Variants in PRCP observed in about 807,000 individuals in gnomAD.
PRCP encodes the protein lysosomal Pro-X carboxypeptidase.
PRCP carries 46 observed loss-of-function variants against 54.2 expected under a neutral mutation model. The ratio of observed to expected loss-of-function variants is 0.85; its 90% CI spans 0.67 to 1.09. The LOEUF (loss-of-function observed/expected upper bound fraction) is 1.09, where lower values mean the gene tolerates loss of function less well. Among genes scored for constraint, PRCP ranks in the 50% least tolerant of loss-of-function variants. The pLI, the probability that PRCP is intolerant of heterozygous loss-of-function variation, is 0.00. For synonymous variants in PRCP, 240 were observed against 212.2 expected (o/e 1.13, Z -1.14); for missense variants, 613 against 596.8 (o/e 1.03, Z -0.28).
intron 1 of PRCP, among the ~76,000 whole-genome samples, chr11:82,867,811 C>A (rs1260951153): frequency 1.3e-5 from 2 of 152,102 alleles, no homozygotes; most frequent in East Asian, 1.9e-4. Flanking sequence ...CAGCCTCGAA[C>A]TCCTGGGCTC....
At chr11:82,834,522 C>A (rs1858469324) in intron 8 of PRCP, among the ~76,000 whole-genome samples, 1 of 152,144 alleles carries the variant, frequency 6.6e-6, no homozygotes, top group Non-Finnish European at 1.5e-5. Context: ...AGTGTCTGGC[C>A]TTTTATTTGG....
chr11:82,874,889 A>G (rs1237455582), intron 1 of PRCP, among the ~76,000 whole-genome samples: 1 of 152,042 alleles, frequency 6.6e-6, no homozygotes, highest in African/African-American at 2.4e-5. Flanking sequence ...CACTCCCTTC[A>G]TGAAGCATTC....
At chr11:82,825,381 G>A (rs1858202538) in intron 8 of PRCP, 2 of 383,826 alleles carry the variant, frequency 5.2e-6, no homozygotes. Flanking sequence ...GACTGTACTG[G>A]GATATGAAAT....
In PRCP at chr11:82,849,942, C is replaced by T; in HGVS notation, c.723G>A (p.Trp241Ter). The T allele has an allele frequency of 6.5e-7, 1 of 1,527,204 alleles. No homozygotes were observed. The highest frequency in any genetic ancestry group is 8.8e-7 in the Non-Finnish European group (1 of 1,136,640). 94.6% of individuals were successfully genotyped at this position (1,527,204 alleles called of 1,614,324 possible). A position where few individuals can be genotyped will look rare whatever the true frequency, so the allele number is the denominator to read the frequency against. The stretch of plus-strand genomic sequence containing the variant: ...TATTTGAGAGTCGATTAATGGCATC[C>T]CAGGACCTGTGGATGCTCTCTGAAC... ...PHCSESIHRS[W>*]DAINRLSNTG... Residue 241 changes from tryptophan to a stop codon, truncating the protein, a stop_gained, in exon 5 of 9, where the codon TGG (tryptophan) becomes TGA (stop). Transcript: ENST00000313010. LOFTEE classifies it high-confidence loss of function.
chr11:82,844,289 T>C (rs1858747287), intron 6 of PRCP, among the ~76,000 whole-genome samples: 1 of 151,998 alleles, frequency 6.6e-6, no homozygotes, highest in South Asian at 2.1e-4. Context: ...GGGATTCAAA[T>C]ACAGACTCTA....
At chr11:82,874,877 G>T (rs1475456402) in intron 1 of PRCP, among the ~76,000 whole-genome samples, 1 of 151,904 alleles carries the variant, frequency 6.6e-6, no homozygotes, top group East Asian at 1.9e-4. Flanking sequence ...TCTATTCAAC[G>T]CCACTCCCTT....
chr11:82,838,495 T>A lies in PRCP; in HGVS notation c.1166A>T (p.Glu389Val), dbSNP rs1339902647. Residue 389 changes from glutamate to valine, a missense_variant, in exon 8 of 9, where the codon GAA becomes GTA. Glu to Val is a moderately radical substitution (Grantham distance 121). Transcript: ENST00000313010. ...CTGTTGAAAACAGTCATCAGAAAGT[T>A]CCTTTAAGTTCCATGAGTGAGGTTC... ...MFEPHSWNLKELSDDCFQQWG... is the reference protein window; with the variant it reads ...MFEPHSWNLKVLSDDCFQQWG... The A allele has an allele frequency of 6.2e-7, 1 of 1,614,108 alleles. No homozygotes were observed. Among genetic ancestry groups the A allele is most frequent in the South Asian group, 1.1e-5 (1 of 91,072 alleles).
chr11:82,860,634 T>C (rs1311625279), intron 1 of PRCP, among the ~76,000 whole-genome samples: 1 of 152,084 alleles, frequency 6.6e-6, no homozygotes, highest in Non-Finnish European at 1.5e-5. Context: ...ATATAATACA[T>C]CCCATTATTT....
intron 8 of PRCP, among the ~76,000 whole-genome samples, chr11:82,834,469 C>T (rs889217688): frequency 6.6e-5 from 10 of 152,080 alleles, no homozygotes; most frequent in Admixed American, 2.0e-4. Context: ...AGGAATACAA[C>T]GTAAGGAAAT....
chr11:82,835,450 A>G, intron 8 of PRCP: 1 of 188,036 alleles, frequency 5.3e-6, no homozygotes, highest in Non-Finnish European at 1.1e-5. Flanking sequence ...CAATGCTGCC[A>G]GGGGCCTGGG....
intron 3 of PRCP, among the ~76,000 whole-genome samples, chr11:82,852,766 T>C (rs559394343): frequency 3.9e-5 from 6 of 152,350 alleles, no homozygotes; most frequent in East Asian, 1.9e-4. Flanking sequence ...CCTTATTTTA[T>C]TGATTTTATT....
chr11:82,852,680 C>G lies in PRCP; in HGVS notation c.411+497G>C, dbSNP rs576455007. Among the ~76,000 whole-genome samples the G allele has an allele frequency of 3.2e-4, 49 of 152,294 alleles. 1 individual carries two copies. The South Asian group carries it at 1.0e-2, about 31-fold the overall frequency. On this transcript the variant is annotated intron_variant, in intron 3 of 8. Coordinates refer to ENST00000313010, the MANE Select transcript of PRCP (RefSeq NM_005040.4). ...GTAGAGTCTGTGACAAAGGCCAAAGCTCCTGTGAGAACAGGAAAGGCTGAA... is the reference window on the plus strand; with the variant it reads ...GTAGAGTCTGTGACAAAGGCCAAAGGTCCTGTGAGAACAGGAAAGGCTGAA...
At chr11:82,898,491 C>A (rs573914211) in intron 1 of PRCP, among the ~76,000 whole-genome samples, 1 of 152,188 alleles carries the variant, frequency 6.6e-6, no homozygotes, top group Non-Finnish European at 1.5e-5. Flanking sequence ...TCCTCCCCAC[C>A]GTTTTACTTT....
At chr11:82,843,649 G>T (rs749122372) in intron 6 of PRCP, among the ~76,000 whole-genome samples, 36 of 152,222 alleles carry the variant, frequency 2.4e-4, no homozygotes, top group Non-Finnish European at 2.4e-4. Context: ...GTGAGCCCTA[G>T]CAAACGGCTT....
chr11:82,825,373 C>G (rs1858202328), intron 8 of PRCP: 1 of 466,804 alleles, frequency 2.1e-6, no homozygotes, highest in African/African-American at 2.0e-5. Context: ...TCAACCTAGA[C>G]TGTACTGGGA....
At chr11:82,866,288 T>C (rs774540709) in intron 1 of PRCP, among the ~76,000 whole-genome samples, 1 of 152,190 alleles carries the variant, frequency 6.6e-6, no homozygotes, top group Non-Finnish European at 1.5e-5. Context: ...TCCAAGAAGA[T>C]ACTGTCCTCC....
intron 5 of PRCP, among the ~76,000 whole-genome samples, chr11:82,849,512 G>A (rs1404043113): frequency 6.6e-6 from 1 of 152,074 alleles, no homozygotes; most frequent in Non-Finnish European, 1.5e-5. Flanking sequence ...AAAACAAATG[G>A]ATGTATCTAT....
chr11:82,889,099 T>C (rs923845341), intron 1 of PRCP, among the ~76,000 whole-genome samples: 2 of 126,282 alleles, frequency 1.6e-5, no homozygotes, highest in Admixed American at 1.6e-4. Context: ...CTCCCACCTG[T>C]AATCCCAACA....
chr11:82,864,920 A>G (rs1273677039), intron 1 of PRCP, among the ~76,000 whole-genome samples: 3 of 152,046 alleles, frequency 2.0e-5, no homozygotes, highest in Non-Finnish European at 4.4e-5. Context: ...ATCCAGAAAA[A>G]TCAGTAGCAA....
Sources: gnomAD v4.1 joint callset for allele counts (sites outside exome capture counted in the v4.1 genomes callset) on GRCh38, gnomAD v4.1.1 for gene constraint, MANE v1.5 for transcripts, NCBI Gene and HGNC (gene_info 2026-07-23, HGNC 2026-07-21) for gene names.